Variants in SLIT3 observed in about 807,000 individuals in gnomAD.
SLIT3 encodes the protein slit guidance ligand 3, also known as slit homolog 3 protein.
SLIT3 carries 68 observed loss-of-function variants against 184.0 expected under a neutral mutation model. The ratio of observed to expected loss-of-function variants is 0.37; its 90% CI spans 0.30 to 0.45. SLIT3 has a LOEUF of 0.45. SLIT3 is among the 20% of genes least tolerant of loss of function. The pLI, the probability that SLIT3 is intolerant of heterozygous loss-of-function variation, is 1.00. For missense variants in SLIT3, 1,707 were observed against 2,026.0 expected, an observed-to-expected ratio of 0.84 and a Z score of 3.02; for synonymous variants, 831 against 828.6, an observed-to-expected ratio of 1.00 and a Z score of -0.05.
At chr5:168,776,613 A>T (rs959951700) in intron 12 of SLIT3, among the ~76,000 whole-genome samples, 2 of 152,082 alleles carry the variant, frequency 1.3e-5, no homozygotes, top group Admixed American at 1.3e-4. Flanking sequence ...CTTCTTTACG[A>T]ATGTCTTGTC....
chr5:169,100,704 G>C (rs777121019), intron 4 of SLIT3, among the ~76,000 whole-genome samples: 1 of 152,154 alleles, frequency 6.6e-6, no homozygotes, highest in South Asian at 2.1e-4. Context: ...TGGTGGGAAG[G>C]CCAAGCAGAC....
chr5:169,127,368 C>T (rs1198402245), intron 4 of SLIT3, among the ~76,000 whole-genome samples: 9 of 152,122 alleles, frequency 5.9e-5, no homozygotes, highest in Non-Finnish European at 1.2e-4. Flanking sequence ...AGCTGCTAGG[C>T]CCATGAGGCT....
chr5:169,066,817 G>A (rs1758363151), intron 4 of SLIT3, among the ~76,000 whole-genome samples: 1 of 151,676 alleles, frequency 6.6e-6, no homozygotes, highest in Admixed American at 6.6e-5. Context: ...AGATTAATAA[G>A]TTATGGTACA....
intron 1 of SLIT3, among the ~76,000 whole-genome samples, chr5:169,299,723 A>T (rs796109163): frequency 2.4e-4 from 37 of 152,292 alleles, no homozygotes; most frequent in African/African-American, 8.7e-4. Flanking sequence ...TGGGGCTAAA[A>T]CTAGGGTCAA....
chr5:168,805,378 C>T (rs1756918948), intron 9 of SLIT3, among the ~76,000 whole-genome samples: 1 of 151,998 alleles, frequency 6.6e-6, no homozygotes, highest in Admixed American at 6.6e-5. Context: ...TACGACAAAG[C>T]AGAAAGGCAA....
At chr5:169,261,325 CAA>C (rs59081003) in intron 1 of SLIT3, among the ~76,000 whole-genome samples, 1 of 151,728 alleles carries the variant, frequency 6.6e-6, no homozygotes, top group East Asian at 1.9e-4. Context: ...AAACAAAAAA[CAA>C]AAAAAAACCC....
At chr5:168,768,170 C>T (rs758061075) in intron 14 of SLIT3, 17 of 523,090 alleles carry the variant, frequency 3.2e-5, no homozygotes, top group Admixed American at 1.2e-4. Context: ...GTGCTTTCCG[C>T]GGTGCTTGAC....
intron 5 of SLIT3, among the ~76,000 whole-genome samples, chr5:168,857,773 G>GA (rs571900152): frequency 2.6e-5 from 4 of 152,104 alleles, no homozygotes; most frequent in Non-Finnish European, 5.9e-5. Context: ...CAGCAGGGTG[G>GA]AAAAAAACAC....
Position 168,810,216 on chromosome 5 carries a change from T to C in SLIT3, c.794-3629A>G, listed in dbSNP as rs373062893. 1.2e-4 allele frequency among the ~76,000 whole-genome samples: 18 copies of C among 152,308 alleles called. 2 individuals carry two copies. In the East Asian group the frequency reaches 1.4e-3, roughly 11 times the overall value. On this transcript the variant is annotated intron_variant, in intron 8 of 35. Coordinates refer to ENST00000519560, the MANE Select transcript of SLIT3 (RefSeq NM_003062.4). The stretch of plus-strand genomic sequence containing the variant: ...CTGTAAGTTGGGAAACAGAGAGGAA[T>C]GGGAATAGCAATTTTATATTGGGAT...
At chr5:168,913,751 A>AC (rs1562003359) in intron 4 of SLIT3, among the ~76,000 whole-genome samples, 1 of 150,936 alleles carries the variant, frequency 6.6e-6, no homozygotes, top group African/African-American at 2.4e-5. Flanking sequence ...CAAAAAAAAA[A>AC]ACAAACAAAC....
Position 168,730,860 on chromosome 5 carries a change from G to A in SLIT3, c.2271-6376C>T, listed in dbSNP as rs572186003. On this transcript the variant is annotated intron_variant, in intron 20 of 35. Coordinates refer to ENST00000519560, the MANE Select transcript of SLIT3 (RefSeq NM_003062.4). Reference sequence around the variant, plus strand: ...AACAACCCCAAAGTTAGCAGAAGAAGAGAAATAACAAAGATCATGCTGAGA... The same window carrying A: ...AACAACCCCAAAGTTAGCAGAAGAAAAGAAATAACAAAGATCATGCTGAGA... 3.3e-5 allele frequency among the ~76,000 whole-genome samples: 5 copies of A among 151,846 alleles called. No homozygotes were observed. The South Asian group carries it at 1.0e-3, about 32-fold the overall frequency.
At chr5:168,895,657 G>A (rs115320480) in intron 4 of SLIT3, among the ~76,000 whole-genome samples, 168 of 152,278 alleles carry the variant, frequency 1.1e-3, no homozygotes, top group African/African-American at 3.8e-3. Context: ...ATAGAATGAC[G>A]TTTCTCATCA....
chr5:168,675,932 C>T (rs1026302979), intron 32 of SLIT3, among the ~76,000 whole-genome samples: 1 of 152,150 alleles, frequency 6.6e-6, no homozygotes, highest in Admixed American at 6.5e-5. Context: ...TCCAACCATC[C>T]ATTCAACCAT....
intron 6 of SLIT3, 66 bp downstream of exon 6, chr5:168,844,518 C>T: frequency 2.1e-6 from 3 of 1,447,868 alleles, no homozygotes; most frequent in South Asian, 1.2e-5. Context: ...CTCCTCCCCA[C>T]ACAGACACAC....
At chr5:168,952,912 G>A (rs2113249518) in intron 4 of SLIT3, among the ~76,000 whole-genome samples, 2 of 152,326 alleles carry the variant, frequency 1.3e-5, no homozygotes. Flanking sequence ...AAAGAGCAGG[G>A]AGGGCGTCAG....
chr5:168,801,484 G>A (rs1016830990), intron 9 of SLIT3, among the ~76,000 whole-genome samples: 6 of 152,292 alleles, frequency 3.9e-5, no homozygotes, highest in South Asian at 2.1e-4. Context: ...GACTGGACAC[G>A]GAAGCCTGTC....
chr5:168,877,446 C>T (rs1456167403), intron 5 of SLIT3, among the ~76,000 whole-genome samples: 3 of 152,182 alleles, frequency 2.0e-5, no homozygotes, highest in Non-Finnish European at 2.9e-5. Flanking sequence ...TCACGTACAG[C>T]CTTGCAGGAC....
At chr5:168,776,851 A>G (rs943059179) in intron 12 of SLIT3, among the ~76,000 whole-genome samples, 5 of 152,016 alleles carry the variant, frequency 3.3e-5, no homozygotes, top group Non-Finnish European at 7.4e-5. Flanking sequence ...TTTAAAGTAC[A>G]CACATGGTGA....
chr5:168,849,202 C>G (rs969553630), intron 5 of SLIT3, among the ~76,000 whole-genome samples: 3 of 152,184 alleles, frequency 2.0e-5, no homozygotes, highest in Admixed American at 1.3e-4. Context: ...CATGCAAGGT[C>G]TGCACATCAG....
Sources: allele counts gnomAD v4.1 joint callset (sites outside exome capture counted in the v4.1 genomes callset), GRCh38; gene constraint gnomAD v4.1.1; transcripts MANE v1.5; gene names NCBI Gene and HGNC (gene_info 2026-07-23, HGNC 2026-07-21).